RAB18: variants seen among roughly 807,000 people sequenced by gnomAD.
RAB18 encodes ras-related protein Rab-18.
A neutral mutation model predicts 28.5 loss-of-function variants in RAB18; 10 were observed. The ratio of observed to expected loss-of-function variants is 0.35; its 90% CI spans 0.22 to 0.60. The LOEUF (loss-of-function observed/expected upper bound fraction) is 0.60, where lower values mean the gene tolerates loss of function less well. Among genes scored for constraint, RAB18 ranks in the 20% least tolerant of loss-of-function variants. The pLI is 0.78. For synonymous variants in RAB18, 93 were observed against 86.9 expected (o/e 1.07, Z -0.39); for missense variants, 188 against 244.2 (o/e 0.77, Z 1.53).
intron 2 of RAB18, among the ~76,000 whole-genome samples, chr10:27,520,916 C>CTAA (rs1834536825): frequency 2.5e-5 from 1 of 40,096 alleles, no homozygotes; most frequent in African/African-American, 9.9e-5. Flanking sequence ...GACTCCATCT[C>CTAA]AAAAAAAAAA....
rs1039817331 is a variant in RAB18, at chr10:27,540,010, C to T, written c.*1959C>T. The T allele has an allele frequency of 2.2e-6, 1 of 453,804 alleles. No individual in the cohort carries two copies. Among genetic ancestry groups the T allele is most frequent in the Admixed American group, 2.4e-5 (1 of 42,540 alleles). The allele number at this position is 453,804 out of a possible 1,614,324, so 28.1% of individuals were successfully genotyped here. A position where few individuals can be genotyped will look rare whatever the true frequency, so the allele number is the denominator to read the frequency against. ...ATATCTAAGGTCAGGCACCTAGTAA[C>T]AGGGTTTTGTTAATTCTTTTCAGAA... On this transcript the variant is annotated 3_prime_UTR_variant, in exon 7 of 7. Transcript: ENST00000356940.
chr10:27,530,367 G>C (rs1218784399), intron 3 of RAB18, among the ~76,000 whole-genome samples: 1 of 150,962 alleles, frequency 6.6e-6, no homozygotes, highest in Non-Finnish European at 1.5e-5. Context: ...TCCAAATTCA[G>C]TAATTCACTG....
chr10:27,526,736 A>G lies in RAB18; in HGVS notation c.125-92A>G, dbSNP rs2642273. 0.32 allele frequency: 478,921 copies of G among 1,520,372 alleles called. 77,915 individuals are homozygous for G. The highest frequency in any genetic ancestry group is 0.37 in the Admixed American group (20,895 of 57,228). The allele number at this position is 1,520,372 out of a possible 1,614,324, so 94.2% of individuals were successfully genotyped here. On this transcript the variant is annotated intron_variant, in intron 2 of 6. Coordinates refer to ENST00000356940, the MANE Select transcript of RAB18 (RefSeq NM_021252.5). ...TTGGGGTGTGAATTGGGCATTTGAT[A>G]ATAGTGACTTTTCTGTTTTCTGGTT...
intron 3 of RAB18, chr10:27,531,415 A>G (rs1239935843): frequency 2.1e-6 from 3 of 1,416,934 alleles, no homozygotes; most frequent in Non-Finnish European, 2.8e-6. Flanking sequence ...TTATTCTAAC[A>G]TTTTTATATC....
chr10:27,507,372 T>A (rs1270177215), intron 1 of RAB18, among the ~76,000 whole-genome samples: 1 of 152,126 alleles, frequency 6.6e-6, no homozygotes, highest in African/African-American at 2.4e-5. Context: ...CTGTAGGCCT[T>A]CATTTCAAAA....
intron 2 of RAB18, among the ~76,000 whole-genome samples, chr10:27,520,639 G>A (rs1353492996): frequency 2.6e-5 from 4 of 151,522 alleles, no homozygotes; most frequent in Admixed American, 6.6e-5. Flanking sequence ...TTTCTGTGCC[G>A]GGCATGGTGG....
At chr10:27,535,548 A>G (rs1273040914) in intron 6 of RAB18, among the ~76,000 whole-genome samples, 1 of 152,168 alleles carries the variant, frequency 6.6e-6, no homozygotes, top group East Asian at 1.9e-4. Flanking sequence ...ATTGTATTCC[A>G]ATTGTGGTGG....
chr10:27,540,918 C>A lies in RAB18; in HGVS notation c.*2867C>A, dbSNP rs1053030000. ...ATAGCTCATAAAAGAATCCTTCTTA[C>A]ACCAGTACTTGTTCTGCCTGTGAGT... On this transcript the variant is annotated 3_prime_UTR_variant, in exon 7 of 7. Coordinates refer to ENST00000356940, the MANE Select transcript of RAB18 (RefSeq NM_021252.5). 3 of 453,984 alleles carry A rather than the reference C, an allele frequency of 6.6e-6. No homozygotes were observed. The highest frequency in any genetic ancestry group is 6.0e-5 in the African/African-American group (3 of 49,990). 28.1% of individuals were successfully genotyped at this position (453,984 alleles called of 1,614,324 possible).
At chr10:27,515,310 AT>A (rs1051788582) in intron 2 of RAB18, among the ~76,000 whole-genome samples, 1 of 152,020 alleles carries the variant, frequency 6.6e-6, no homozygotes, top group Non-Finnish European at 1.5e-5. Flanking sequence ...TAAGTTTTTT[AT>A]TTTTTTATTT....
At chr10:27,523,872 G>T (rs1404526097) in intron 2 of RAB18, among the ~76,000 whole-genome samples, 1 of 151,906 alleles carries the variant, frequency 6.6e-6, no homozygotes, top group Non-Finnish European at 1.5e-5. Context: ...GAGGTCAGGA[G>T]ATTGAGACCA....
At chr10:27,508,416 A>G (rs1292327408) in intron 1 of RAB18, among the ~76,000 whole-genome samples, 1 of 131,004 alleles carries the variant, frequency 7.6e-6, no homozygotes, top group Non-Finnish European at 1.6e-5. Flanking sequence ...TTATGATATT[A>G]TTACAACTAG....
chr10:27,509,999 A>C lies in RAB18; in HGVS notation c.124+69A>C, dbSNP rs367775644. On this transcript the variant is annotated intron_variant, in intron 2 of 6. Transcript: ENST00000356940. ...CTTGCCTTTGGCCTTTTTAATCTAA[A>C]TCCTTCTACCTTCCTCTCACCACCC... 12 of 1,242,012 alleles carry C rather than the reference A, an allele frequency of 9.7e-6. No homozygotes were observed. In the African/African-American group the frequency reaches 1.5e-4, roughly 15 times the overall value. 76.9% of individuals were successfully genotyped at this position (1,242,012 alleles called of 1,614,324 possible). A position where few individuals can be genotyped will look rare whatever the true frequency, so the allele number is the denominator to read the frequency against.
At chr10:27,529,554 C>T (rs1589583082) in intron 3 of RAB18, among the ~76,000 whole-genome samples, 1 of 151,966 alleles carries the variant, frequency 6.6e-6, no homozygotes, top group South Asian at 2.1e-4. Context: ...CCTTGCTTCA[C>T]TTTCACTCCC....
At chr10:27,508,719 C>T (rs886704220) in intron 1 of RAB18, among the ~76,000 whole-genome samples, 5 of 152,018 alleles carry the variant, frequency 3.3e-5, no homozygotes, top group East Asian at 3.8e-4. Flanking sequence ...GAGAGTTAAT[C>T]GTTCAAATAT....
chr10:27,520,678 C>A (rs999076949), intron 2 of RAB18, among the ~76,000 whole-genome samples: 1 of 151,710 alleles, frequency 6.6e-6, no homozygotes. Context: ...GAACTTTGGG[C>A]GTCCAAGGCA....
chr10:27,504,462 C>G (rs766920739), intron 1 of RAB18, 25 bp downstream of exon 1: 139 of 1,556,118 alleles, frequency 8.9e-5, no homozygotes, highest in Admixed American at 2.3e-4. Flanking sequence ...CGGGTCGTGA[C>G]GAGGGTGGCT....
intron 2 of RAB18, among the ~76,000 whole-genome samples, chr10:27,516,374 G>T (rs906607149): frequency 6.6e-6 from 1 of 151,950 alleles, no homozygotes; most frequent in Non-Finnish European, 1.5e-5. Context: ...TGGTCAACAT[G>T]GTGAAACCTC....
Position 27,504,452 on chromosome 10 carries a change from C to T in RAB18, c.68+15C>T, listed in dbSNP as rs1219405191. 1 of 1,558,472 alleles carries T rather than the reference C, an allele frequency of 6.4e-7. No individual in the cohort carries two copies. The highest frequency in any genetic ancestry group is 2.0e-5 in the Admixed American group (1 of 51,144). ...GGCAAGTCCAGGTGAGGCGGAGGTG[C>T]GGGTCGTGACGAGGGTGGCTGGGCT... On this transcript the variant is annotated intron_variant, in intron 1 of 6. Transcript: ENST00000356940.
intron 2 of RAB18, among the ~76,000 whole-genome samples, chr10:27,514,790 A>T (rs1303051399): frequency 6.6e-6 from 1 of 150,418 alleles, no homozygotes; most frequent in Non-Finnish European, 1.5e-5. Flanking sequence ...TTTTTCTTTG[A>T]GGCAGGGTCT....
Sources: allele counts gnomAD v4.1 joint callset (sites outside exome capture counted in the v4.1 genomes callset), GRCh38; gene constraint gnomAD v4.1.1; transcripts MANE v1.5; gene names NCBI Gene and HGNC (gene_info 2026-07-23, HGNC 2026-07-21).